SMARCAD1: variants seen among roughly 807,000 people sequenced by gnomAD.
SMARCAD1 encodes the protein SNF2 related chromatin remodeling ATPase with DExD box 1.
In SMARCAD1, 25 loss-of-function variants were observed where a neutral mutation model predicts 127.1. That is an observed-to-expected ratio of 0.20 (90% CI 0.14 to 0.27). SMARCAD1 has a LOEUF of 0.27. SMARCAD1 is among the 10% of genes least tolerant of loss of function. The pLI, the probability that SMARCAD1 is intolerant of heterozygous loss-of-function variation, is 1.00. For synonymous variants in SMARCAD1, 400 were observed against 396.9 expected (o/e 1.01, Z -0.09); for missense variants, 807 against 1,206.0 (o/e 0.67, Z 4.90).
rs185642584 is a variant in SMARCAD1 at position 94,289,560 on chromosome 4, A to G, written c.*26A>G. ...AATAAGAACTGTGAACTCTCAATTG[A>G]TGAGGAAATATCAACTTGGTGCACT... On this transcript the variant is annotated 3_prime_UTR_variant, in exon 24 of 24. Coordinates refer to ENST00000354268, the MANE Select transcript of SMARCAD1 (RefSeq NM_020159.5). The G allele has an allele frequency of 1.3e-6, 2 of 1,570,576 alleles. No homozygotes were observed. Among genetic ancestry groups the G allele is most frequent in the Admixed American group, 3.3e-5 (2 of 59,958 alleles).
intron 3 of SMARCAD1, among the ~76,000 whole-genome samples, chr4:94,232,961 CAG>C (rs373448486): frequency 2.6e-5 from 4 of 152,250 alleles, no homozygotes; most frequent in African/African-American, 9.6e-5. Context: ...GTCTGGGTGA[CAG>C]AGTGGAACCC....
intron 6 of SMARCAD1, among the ~76,000 whole-genome samples, chr4:94,249,370 A>T (rs868581823): frequency 6.8e-6 from 1 of 147,916 alleles, no homozygotes; most frequent in African/African-American, 2.4e-5. Context: ...TAATTTGAGG[A>T]TCATTCTAGT....
chr4:94,228,142 G>T (rs541956919), intron 3 of SMARCAD1, among the ~76,000 whole-genome samples: 30 of 152,246 alleles, frequency 2.0e-4, no homozygotes, highest in African/African-American at 7.2e-4. Context: ...ACATGAAGCT[G>T]TGATAAACAT....
At chr4:94,282,387 C>T (rs1044174163) in intron 21 of SMARCAD1, among the ~76,000 whole-genome samples, 8 of 151,900 alleles carry the variant, frequency 5.3e-5, no homozygotes, top group Admixed American at 2.6e-4. Flanking sequence ...TGAGCCACCG[C>T]GCCCGGCGCA....
At chr4:94,275,132 A>G (rs1429882815) in intron 14 of SMARCAD1, among the ~76,000 whole-genome samples, 167 bp downstream of exon 14, 1 of 152,182 alleles carries the variant, frequency 6.6e-6, no homozygotes, top group Non-Finnish European at 1.5e-5. Flanking sequence ...GGTGTGTAAT[A>G]CCCATATAGG....
intron 6 of SMARCAD1, among the ~76,000 whole-genome samples, chr4:94,241,919 A>G (rs927359942): frequency 1.3e-5 from 2 of 152,140 alleles, no homozygotes; most frequent in East Asian, 3.9e-4. Context: ...CACAAAATGG[A>G]TGATCTTGTA....
At chr4:94,281,961 C>G (rs1754091879) in intron 21 of SMARCAD1, among the ~76,000 whole-genome samples, 1 of 151,666 alleles carries the variant, frequency 6.6e-6, no homozygotes, top group Non-Finnish European at 1.5e-5. Context: ...ATTGTTTGAG[C>G]CCCGGGGGGC....
At chr4:94,260,276 T>C (rs1750763526) in intron 9 of SMARCAD1, among the ~76,000 whole-genome samples, 2 of 152,352 alleles carry the variant, frequency 1.3e-5, no homozygotes, top group Non-Finnish European at 2.9e-5. Flanking sequence ...TTTGTAACAT[T>C]AGCATCTGTT....
chr4:94,252,534 A>T, intron 8 of SMARCAD1, 82 bp from the exon 9 acceptor site: 2 of 975,012 alleles, frequency 2.1e-6, no homozygotes, highest in Non-Finnish European at 3.0e-6. Context: ...GGAATAGGTA[A>T]ATGTTTTAAG....
intron 10 of SMARCAD1, 66 bp from the exon 11 acceptor site, chr4:94,270,662 G>T (rs555474021): frequency 1.4e-6 from 2 of 1,390,786 alleles, no homozygotes; most frequent in Admixed American, 3.4e-5. Context: ...TATGTGCATT[G>T]TAATAACTAA....
intron 11 of SMARCAD1, among the ~76,000 whole-genome samples, chr4:94,271,503 C>T (rs1449752988): frequency 2.0e-5 from 3 of 152,150 alleles, no homozygotes; most frequent in African/African-American, 7.2e-5. Context: ...AAATGTTACA[C>T]TGTGTGTTGG....
chr4:94,212,322 A>G (rs1209996227), intron 2 of SMARCAD1, among the ~76,000 whole-genome samples: 1 of 151,404 alleles, frequency 6.6e-6, no homozygotes, highest in East Asian at 1.9e-4. Flanking sequence ...CTACAGGCTC[A>G]TGCCACCATG....
chr4:94,264,942 C>A, intron 10 of SMARCAD1, 36 bp downstream of exon 10: 1 of 1,553,240 alleles, frequency 6.4e-7, no homozygotes, highest in Non-Finnish European at 8.8e-7. Context: ...CGTATTTTAT[C>A]TCAATTATAC....
chr4:94,228,809 T>G (rs1025329383), intron 3 of SMARCAD1, among the ~76,000 whole-genome samples: 3 of 152,192 alleles, frequency 2.0e-5, no homozygotes, highest in Admixed American at 2.0e-4. Flanking sequence ...TGGATTTAGT[T>G]TGTCATATCT....
chr4:94,283,363 A>G, intron 22 of SMARCAD1, 60 bp downstream of exon 22: 1 of 1,522,248 alleles, frequency 6.6e-7, no homozygotes, highest in Non-Finnish European at 9.1e-7. Context: ...TGTGTAGACC[A>G]TTAGAATATA....
intron 6 of SMARCAD1, 60 bp downstream of exon 6, chr4:94,241,066 GT>G: frequency 1.7e-6 from 2 of 1,172,964 alleles, no homozygotes; most frequent in Admixed American, 3.5e-5. Context: ...GATATGTGGA[GT>G]TTGTGGATAT....
At chr4:94,240,683 A>G (rs947286481) in intron 5 of SMARCAD1, among the ~76,000 whole-genome samples, 1 of 152,190 alleles carries the variant, frequency 6.6e-6, no homozygotes, top group Non-Finnish European at 1.5e-5. Flanking sequence ...AAATAATGTG[A>G]TGGTTTATGA....
chr4:94,249,509 T>A, intron 6 of SMARCAD1, 145 bp from the exon 7 acceptor site: 1 of 623,682 alleles, frequency 1.6e-6, no homozygotes, highest in Non-Finnish European at 2.9e-6. Flanking sequence ...TATGTCAATG[T>A]TCACAGAAAC....
chr4:94,288,089 C>A (rs1273151984), intron 23 of SMARCAD1, among the ~76,000 whole-genome samples: 2 of 151,930 alleles, frequency 1.3e-5, no homozygotes, highest in African/African-American at 4.8e-5. Context: ...TTTTCTACTT[C>A]TTTTTTCCCA....
Sources: gnomAD v4.1 joint callset for allele counts (sites outside exome capture counted in the v4.1 genomes callset) on GRCh38, gnomAD v4.1.1 for gene constraint, MANE v1.5 for transcripts, NCBI Gene and HGNC (gene_info 2026-07-23, HGNC 2026-07-21) for gene names.